LINGO1: variants seen among roughly 807,000 people sequenced by gnomAD.
LINGO1 encodes the protein leucine-rich repeat and immunoglobulin-like domain-containing nogo receptor-interacting protein 1.
In LINGO1, 11 loss-of-function variants were observed where a neutral mutation model predicts 37.3. The observed-to-expected ratio is 0.29, with a 90% CI of 0.19 to 0.49. The LOEUF is 0.49. Among genes scored for constraint, LINGO1 ranks in the 20% least tolerant of loss-of-function variants. The pLI is 0.99. For synonymous variants in LINGO1, 387 were observed against 403.0 expected (o/e 0.96, Z 0.48); for missense variants, 585 against 878.2 (o/e 0.67, Z 4.22).
chr15:77,787,078 C>T (rs1243973020), upstream of LINGO1: 1 of 152,268 alleles, frequency 6.6e-6, no homozygotes, highest in African/African-American at 2.4e-5. Context: ...TCCCAGGAAA[C>T]CAGCTGGATC....
upstream of LINGO1, chr15:77,820,773 T>G (rs970892911): frequency 2.6e-5 from 4 of 152,070 alleles, no homozygotes; most frequent in Non-Finnish European, 5.9e-5. Flanking sequence ...GCCCCCAGAG[T>G]CCCACCTCCT....
In LINGO1 at chr15:77,703,293, G is replaced by A. The variant is rs114488410; in HGVS notation, c.-194-12392C>T. ...GATTCTTGTAACTGAGAAATGTCAG[G>A]AAGGCCCAAGAGAACAGCTGGTATA... On this transcript the variant is annotated intron_variant, in intron 2 of 3. Coordinates refer to the LINGO1 transcript ENST00000561686. Among the ~76,000 whole-genome samples the A allele has an allele frequency of 6.6e-3, 1,005 of 152,276 alleles. 10 individuals carry two copies. The highest frequency in any genetic ancestry group is 0.023 in the African/African-American group (966 of 41,548).
At chr15:77,674,185 C>T (rs556251877) in intron 3 of LINGO1, among the ~76,000 whole-genome samples, 30 of 152,274 alleles carry the variant, frequency 2.0e-4, no homozygotes, top group South Asian at 6.2e-4. Context: ...CTCTCTCACA[C>T]ACCACCTCAT....
At chr15:77,817,019 T>C (rs1001366001) in intron 1 of LINGO1, among the ~76,000 whole-genome samples, 10 of 146,840 alleles carry the variant, frequency 6.8e-5, no homozygotes, top group African/African-American at 2.0e-4. Context: ...AGAAAGGCCA[T>C]GATCAGCCAG....
At chr15:77,669,094 C>G (rs1226030248) in intron 3 of LINGO1, among the ~76,000 whole-genome samples, 5 of 152,248 alleles carry the variant, frequency 3.3e-5, no homozygotes, top group African/African-American at 1.2e-4. Context: ...GGTAGCAGAG[C>G]AGAAACCTGG....
intron 2 of LINGO1, chr15:77,690,621 G>A (rs66744051): frequency 0.081 from 12,396 of 152,288 alleles, 576 homozygotes; most frequent in Middle Eastern, 0.13. Context: ...GATCCTGACC[G>A]ATACAGTGTA....
upstream of LINGO1, among the ~76,000 whole-genome samples, chr15:77,633,551 G>A (rs924419042): frequency 2.6e-5 from 4 of 152,320 alleles, no homozygotes; most frequent in East Asian, 3.9e-4. Flanking sequence ...AGGAAGCCGC[G>A]CTGGCCCGGC....
chr15:77,694,011 T>C (rs1372513185), intron 1 of LINGO1, among the ~76,000 whole-genome samples: 1 of 152,076 alleles, frequency 6.6e-6, no homozygotes. Flanking sequence ...CTGTTCAGCA[T>C]GAGAAGCAGT....
intron 1 of LINGO1, among the ~76,000 whole-genome samples, chr15:77,770,408 A>C (rs2076572586): frequency 6.6e-6 from 1 of 152,008 alleles, no homozygotes; most frequent in South Asian, 2.1e-4. Flanking sequence ...ACCAACATGG[A>C]GAAATCCCGT....
chr15:77,802,433 T>TTGTG (rs2076927593), intron 1 of LINGO1, among the ~76,000 whole-genome samples: 1 of 151,708 alleles, frequency 6.6e-6, no homozygotes, highest in South Asian at 2.1e-4. Context: ...GTGTGTGTGT[T>TTGTG]TGTGTGTATG....
intron 2 of LINGO1, among the ~76,000 whole-genome samples, chr15:77,729,805 A>T (rs1308496608): frequency 6.6e-6 from 1 of 152,234 alleles, no homozygotes; most frequent in Non-Finnish European, 1.5e-5. Context: ...TCATAGAACC[A>T]ACTATTCAGC....
rs180908784 is a variant in LINGO1 at position 77,819,017 on chromosome 15, G to T, written c.-458+1241C>A. ...GGGCTCCACAAACTTGCTGCAAGTC[G>T]TCGGGGCTGCAGCTGCAGGTAAGGG... On this transcript the variant is annotated intron_variant, in intron 1 of 5. Coordinates refer to the LINGO1 transcript ENST00000562933. Among the ~76,000 whole-genome samples the T allele has an allele frequency of 4.2e-3, 637 of 151,536 alleles. 5 individuals carry two copies. The highest frequency in any genetic ancestry group is 0.014 in the African/African-American group (585 of 41,394).
chr15:77,717,589 C>T (rs2075999784), intron 2 of LINGO1, among the ~76,000 whole-genome samples: 1 of 150,768 alleles, frequency 6.6e-6, no homozygotes, highest in African/African-American at 2.4e-5. Context: ...AGCTCAGCCC[C>T]GATAGTTGGG....
chr15:77,653,335 G>A (rs1025975025), intron 3 of LINGO1, among the ~76,000 whole-genome samples: 4 of 152,222 alleles, frequency 2.6e-5, no homozygotes, highest in Non-Finnish European at 4.4e-5. Context: ...CTAGACTCTA[G>A]GGCAGACCTG....
At chr15:77,617,574 C>G (rs2073772045) in intron 1 of LINGO1, among the ~76,000 whole-genome samples, 1 of 152,226 alleles carries the variant, frequency 6.6e-6, no homozygotes, top group Admixed American at 6.5e-5. Context: ...CACCCTAGCT[C>G]AGGCCCTTCT....
At chr15:77,676,193 T>C (rs1333044632) in intron 3 of LINGO1, among the ~76,000 whole-genome samples, 2 of 152,210 alleles carry the variant, frequency 1.3e-5, no homozygotes, top group African/African-American at 4.8e-5. Flanking sequence ...CTGGGCAGGC[T>C]GGCTGCCCCT....
chr15:77,709,257 G>A (rs571218729), intron 2 of LINGO1, among the ~76,000 whole-genome samples: 2 of 152,332 alleles, frequency 1.3e-5, no homozygotes, highest in African/African-American at 4.8e-5. Context: ...AAAATGGGGT[G>A]AGCCTCCCAT....
chr15:77,633,818 A>G (rs1418634136), upstream of LINGO1, among the ~76,000 whole-genome samples: 1 of 152,178 alleles, frequency 6.6e-6, no homozygotes, highest in Non-Finnish European at 1.5e-5. Context: ...ATCCTCAGAT[A>G]CAGAAACTAG....
At position 77,739,535 on chromosome 15, in the gene LINGO1, C is replaced by T. The variant is rs537138353; in HGVS notation, c.-256-4482G>A. On this transcript the variant is annotated intron_variant, in intron 1 of 3. Transcript: ENST00000561686. ...TTTCCCTTGGGATGCCTTGATGGAA[C>T]AAAGGTTAAAATACCCCTTTCTCTT... is the stretch of plus-strand genomic sequence containing the variant. Among the ~76,000 whole-genome samples the T allele has an allele frequency of 2.5e-4, 38 of 152,294 alleles. No homozygotes were observed. The South Asian group carries it at 3.1e-3, about 12-fold the overall frequency.
Sources: allele counts gnomAD v4.1 joint callset (sites outside exome capture counted in the v4.1 genomes callset), GRCh38; gene constraint gnomAD v4.1.1; transcripts MANE v1.5; gene names NCBI Gene and HGNC (gene_info 2026-07-23, HGNC 2026-07-21).